Variants in USP32 observed in about 807,000 individuals in gnomAD.
USP32 encodes ubiquitin specific peptidase 32.
Under a neutral mutation model 204.8 loss-of-function variants are expected in USP32, and 59 were observed. That is an observed-to-expected ratio of 0.29 (90% CI 0.23 to 0.36). The LOEUF is 0.36. USP32 is among the 10% of genes least tolerant of loss of function. The pLI, the probability that USP32 is intolerant of heterozygous loss-of-function variation, is 1.00. For synonymous variants in USP32, 517 were observed against 678.4 expected, an observed-to-expected ratio of 0.76 and a Z score of 3.70; for missense variants, 1,160 against 1,946.4, an observed-to-expected ratio of 0.60 and a Z score of 7.60.
chr17:60,392,194 T>G (rs902016622), upstream of USP32: 12 of 422,138 alleles, frequency 2.8e-5, no homozygotes, highest in Non-Finnish European at 4.3e-5. Flanking sequence ...CTCCTCTCTC[T>G]CCTCCCTCTC....
intron 16 of USP32, among the ~76,000 whole-genome samples, chr17:60,218,955 G>T (rs1309558601): frequency 1.3e-4 from 20 of 152,300 alleles, no homozygotes; most frequent in Admixed American, 2.0e-4. Flanking sequence ...CACAGAGCAA[G>T]TCTTGCCCGT....
intron 2 of USP32, among the ~76,000 whole-genome samples, chr17:60,315,545 A>G (rs2087952932): frequency 6.6e-6 from 1 of 152,232 alleles, no homozygotes; most frequent in African/African-American, 2.4e-5. Context: ...TCAAAAAGGT[A>G]AACATAGAAT....
intron 9 of USP32, among the ~76,000 whole-genome samples, chr17:60,264,411 G>A (rs1237135867): frequency 6.6e-6 from 1 of 151,254 alleles, no homozygotes; most frequent in Non-Finnish European, 1.5e-5. Flanking sequence ...TCAGCTACTC[G>A]AAAGGCTGAG....
chr17:60,188,221 G>A (rs1392848466), intron 29 of USP32, among the ~76,000 whole-genome samples: 1 of 152,128 alleles, frequency 6.6e-6, no homozygotes, highest in Non-Finnish European at 1.5e-5. Flanking sequence ...TTCTACTGAG[G>A]AATCTGAGGT....
intron 1 of USP32, among the ~76,000 whole-genome samples, chr17:60,386,018 A>AACACAC (rs146544566): frequency 5.4e-5 from 8 of 149,520 alleles, no homozygotes; most frequent in East Asian, 1.9e-4. Context: ...ATTGCTGCAT[A>AACACAC]ACACACACAC....
intron 16 of USP32, among the ~76,000 whole-genome samples, chr17:60,215,019 G>A (rs1395025009): frequency 1.3e-5 from 2 of 152,066 alleles, no homozygotes; most frequent in Non-Finnish European, 2.9e-5. Context: ...CCAGACTAGA[G>A]TGCGGTGCTG....
At chr17:60,308,708 A>C (rs1204204116) in intron 2 of USP32, among the ~76,000 whole-genome samples, 2 of 152,202 alleles carry the variant, frequency 1.3e-5, no homozygotes, top group African/African-American at 4.8e-5. Context: ...CAAGTGGATC[A>C]CTTGAGGTCA....
chr17:60,407,199 T>G (rs1191553105), intron 1 of USP32, among the ~76,000 whole-genome samples: 1 of 152,182 alleles, frequency 6.6e-6, no homozygotes, highest in Non-Finnish European at 1.5e-5. Flanking sequence ...TGGAAGTTGC[T>G]GTGCAAAATT....
Position 60,190,545 on chromosome 17 carries a change from G to A in USP32, c.3642+18C>T. The A allele has an allele frequency of 1.3e-6, 2 of 1,526,680 alleles. No individual in the cohort carries two copies. The highest frequency in any genetic ancestry group is 1.4e-5 in the African/African-American group (1 of 70,204). The allele number at this position is 1,526,680 out of a possible 1,614,324, so 94.6% of individuals were successfully genotyped here. On this transcript the variant is annotated intron_variant, in intron 29 of 33. Transcript: ENST00000300896. The stretch of plus-strand genomic sequence containing the variant: ...CTCATATAAAAACCACCATTTTATG[G>A]TGGCCCTAAATACTTACCCTTTCCT...
In USP32 at chr17:60,242,691, G is replaced by A. The variant is rs556800048; in HGVS notation, c.1137-6451C>T. 5.3e-5 allele frequency among the ~76,000 whole-genome samples: 8 copies of A among 152,322 alleles called. No homozygotes were observed. In the East Asian group the frequency reaches 1.5e-3, roughly 29 times the overall value. The stretch of plus-strand genomic sequence containing the variant: ...TAAAGTGCTGGGATTACAGGCATGA[G>A]CCACCACGCCTGGCCAAGGGTTTCC... On this transcript the variant is annotated intron_variant, in intron 11 of 33. Coordinates refer to ENST00000300896, the MANE Select transcript of USP32 (RefSeq NM_032582.4).
At chr17:60,408,521 G>A (rs1367671056) in intron 1 of USP32, among the ~76,000 whole-genome samples, 5 of 152,006 alleles carry the variant, frequency 3.3e-5, no homozygotes, top group Admixed American at 1.3e-4. Flanking sequence ...GGGATTATAG[G>A]TGCATGCCAC....
At chr17:60,239,361 G>A (rs72843526) in intron 11 of USP32, among the ~76,000 whole-genome samples, 2,575 of 152,236 alleles carry the variant, frequency 0.017, 39 homozygotes, top group African/African-American at 0.037. Context: ...CTTTTTGAAC[G>A]CGTAGGTTCA....
chr17:60,417,470 T>G (rs1304549176), intron 1 of USP32, among the ~76,000 whole-genome samples: 1 of 151,330 alleles, frequency 6.6e-6, no homozygotes, highest in Non-Finnish European at 1.5e-5. Flanking sequence ...TTTTTTTTTT[T>G]GTGACAGAGT....
In USP32 at chr17:60,266,519, C is replaced by T. The variant is rs548020350; in HGVS notation, c.812-428G>A. Among the ~76,000 whole-genome samples the T allele has an allele frequency of 5.9e-5, 9 of 152,256 alleles. No individual in the cohort carries two copies. In the South Asian group the frequency reaches 1.9e-3, roughly 32 times the overall value. On this transcript the variant is annotated intron_variant, in intron 7 of 33. Transcript: ENST00000300896. ...TTTTTGTTTGTTGGAGATGGAGTCTCGCTCTGTCGCCCAGGCTAGAGTGCA... is the reference window on the plus strand; with the variant it reads ...TTTTTGTTTGTTGGAGATGGAGTCTTGCTCTGTCGCCCAGGCTAGAGTGCA...
intron 1 of USP32, among the ~76,000 whole-genome samples, chr17:60,362,813 C>A (rs1401142671): frequency 6.6e-6 from 1 of 151,186 alleles, no homozygotes; most frequent in Admixed American, 6.6e-5. Context: ...AAAATGTTTC[C>A]AAGTATCCTT....
intron 1 of USP32, among the ~76,000 whole-genome samples, chr17:60,363,509 C>A (rs1159772901): frequency 6.8e-6 from 1 of 146,340 alleles, no homozygotes; most frequent in Admixed American, 6.8e-5. Flanking sequence ...CAGAGCAAGA[C>A]TCTGTCTCAA....
intron 1 of USP32, among the ~76,000 whole-genome samples, chr17:60,378,778 A>G (rs2089596731): frequency 6.6e-6 from 1 of 151,998 alleles, no homozygotes; most frequent in Non-Finnish European, 1.5e-5. Flanking sequence ...GGGGCTGGGG[A>G]AAAAAAGGGA....
chr17:60,350,220 G>A (rs1250787686), intron 1 of USP32, among the ~76,000 whole-genome samples: 1 of 152,052 alleles, frequency 6.6e-6, no homozygotes, highest in Non-Finnish European at 1.5e-5. Context: ...TTGCCATGTT[G>A]CCCAGACTGG....
rs761140302 is a variant in USP32 at position 60,391,863 on chromosome 17, C to G, written c.58+19G>C. The G allele has an allele frequency of 5.0e-6, 8 of 1,604,780 alleles. No individual in the cohort carries two copies. The highest frequency in any genetic ancestry group is 6.8e-6 in the Non-Finnish European group (8 of 1,175,928). On this transcript the variant is annotated intron_variant, in intron 1 of 33. Coordinates refer to ENST00000300896, the MANE Select transcript of USP32 (RefSeq NM_032582.4). The stretch of plus-strand genomic sequence containing the variant: ...TCGCGGGCCTCCCAGGCAGCTCGCC[C>G]AGACCCCTCCCCCCTCACCTCTCCT...
Sources: allele counts gnomAD v4.1 joint callset (sites outside exome capture counted in the v4.1 genomes callset), GRCh38; gene constraint gnomAD v4.1.1; transcripts MANE v1.5; gene names NCBI Gene and HGNC (gene_info 2026-07-23, HGNC 2026-07-21).